The following HSD17B11 variants were observed in gnomAD, a reference collection of about 807,000 sequenced individuals.
The protein encoded by HSD17B11 is estradiol 17-beta-dehydrogenase 11.
Under a neutral mutation model 27.8 loss-of-function variants are expected in HSD17B11, and 22 were observed. The ratio of observed to expected loss-of-function variants is 0.79; its 90% confidence interval spans 0.56 to 1.13. The LOEUF is 1.13. Ranked by LOEUF, HSD17B11 falls within the 50% of genes most tolerant of loss-of-function variation. The pLI, the probability that HSD17B11 is intolerant of heterozygous loss-of-function variation, is 0.00. For synonymous variants in HSD17B11, 117 were observed against 132.8 expected, an observed-to-expected ratio of 0.88 and a Z score of 0.82; for missense variants, 314 against 351.1, an observed-to-expected ratio of 0.89 and a Z score of 0.84.
chr4:87,386,296 C>T (rs563747403), intron 1 of HSD17B11, among the ~76,000 whole-genome samples: 30 of 152,020 alleles, frequency 2.0e-4, no homozygotes, highest in Admixed American at 6.6e-4. Context: ...TCTGCCTTCC[C>T]GGTTCAAGTG....
rs1456055148 is a variant in HSD17B11, at chr4:87,382,289, C to G, written c.284G>C (p.Ser95Thr). 1 of 1,613,892 alleles carries G rather than the reference C, an allele frequency of 6.2e-7. No individual in the cohort carries two copies. Among genetic ancestry groups the G allele is most frequent in the South Asian group, 1.1e-5 (1 of 91,072 alleles). Reference protein sequence around the residue: ...AKVHTFVVDCSNREDIYSSAK... With the variant: ...AKVHTFVVDCTNREDIYSSAK... ...AGAGCTGTAAATATCTTCTCGGTTGCTGCAGTCTACCACAAAGGTATGAAC... is the reference window on the plus strand; with the variant it reads ...AGAGCTGTAAATATCTTCTCGGTTGGTGCAGTCTACCACAAAGGTATGAAC... Residue 95 changes from serine to threonine, a missense_variant, in exon 2 of 7, where the codon AGC becomes ACC. Physicochemically the swap from Ser to Thr is moderately conservative, Grantham distance 58 (BLOSUM62 1). Transcript: ENST00000358290.
At chr4:87,341,724 A>G (rs888277922) in intron 5 of HSD17B11, among the ~76,000 whole-genome samples, 4 of 152,036 alleles carry the variant, frequency 2.6e-5, no homozygotes, top group African/African-American at 7.2e-5. Flanking sequence ...AAATTAGGCA[A>G]GAGTGGTGGT....
At chr4:87,353,261 A>C (rs1735319453) in intron 5 of HSD17B11, among the ~76,000 whole-genome samples, 1 of 152,138 alleles carries the variant, frequency 6.6e-6, no homozygotes, top group Non-Finnish European at 1.5e-5. Context: ...TTACTGGGCC[A>C]AAGGGTATAT....
chr4:87,342,381 CA>C (rs543558458), intron 5 of HSD17B11, among the ~76,000 whole-genome samples: 981 of 74,318 alleles, frequency 0.013, 5 homozygotes, highest in Middle Eastern at 0.082. Flanking sequence ...AACTTCGCTG[CA>C]AAAAAAAAAA....
In HSD17B11 at chr4:87,378,850, ATATATAAATATATAT is replaced by A. The variant is rs1560769062; in HGVS notation, c.318+3390_318+3404del. On this transcript the variant is annotated intron_variant, in intron 2 of 6. Transcript: ENST00000358290. ...TATATAAATATATATATATAAATAT[ATATATAAATATATAT>A]AAATATATATATATAAATATATATA... 3.9e-4 allele frequency among the ~76,000 whole-genome samples: 9 copies of A among 22,954 alleles called. 3 individuals carry two copies. The highest frequency in any genetic ancestry group is 2.7e-3 in the African/African-American group (9 of 3,322). 15.1% of individuals were successfully genotyped at this position (22,954 alleles called of 152,430 possible).
chr4:87,378,895 A>AATATATATAAAT (rs1370156887), intron 2 of HSD17B11, among the ~76,000 whole-genome samples: 6 of 8,422 alleles, frequency 7.1e-4, no homozygotes, highest in African/African-American at 5.5e-3. Flanking sequence ...TATATATATA[A>AATATATATAAAT]ATATATATAA....
At chr4:87,340,717 T>C (rs908687151) in intron 5 of HSD17B11, 111 bp from the exon 6 acceptor site, 2 of 676,516 alleles carry the variant, frequency 3.0e-6, no homozygotes, top group East Asian at 2.6e-5. Flanking sequence ...ATAACTGATT[T>C]GTAGTGTCTA....
chr4:87,384,561 A>G (rs1034923713), intron 1 of HSD17B11, among the ~76,000 whole-genome samples: 4 of 152,134 alleles, frequency 2.6e-5, no homozygotes, highest in African/African-American at 9.7e-5. Context: ...ATACCTTGGG[A>G]AAGGAATGCA....
chr4:87,385,971 A>G (rs1190452222), intron 1 of HSD17B11: 1 of 151,690 alleles, frequency 6.6e-6, no homozygotes, highest in Non-Finnish European at 1.5e-5. Context: ...TTGAACAAAT[A>G]TATTTCCTTA....
intron 1 of HSD17B11, among the ~76,000 whole-genome samples, chr4:87,384,148 A>G (rs1199089414): frequency 6.6e-6 from 1 of 152,198 alleles, no homozygotes; most frequent in African/African-American, 2.4e-5. Context: ...GACCGGCTGG[A>G]GCCGCGGCAA....
intron 1 of HSD17B11, among the ~76,000 whole-genome samples, chr4:87,386,363 C>A (rs561681673): frequency 6.6e-6 from 1 of 152,056 alleles, no homozygotes; most frequent in South Asian, 2.1e-4. Context: ...CCACCACACC[C>A]GTCTAATTTT....
At chr4:87,353,756 A>G (rs968578175) in intron 5 of HSD17B11, among the ~76,000 whole-genome samples, 1 of 152,242 alleles carries the variant, frequency 6.6e-6, no homozygotes, top group Non-Finnish European at 1.5e-5. Flanking sequence ...AAAAAATTCA[A>G]TTATAACTTT....
intron 4 of HSD17B11, among the ~76,000 whole-genome samples, chr4:87,369,640 A>G (rs1735673753): frequency 6.6e-6 from 1 of 152,084 alleles, no homozygotes; most frequent in South Asian, 2.1e-4. Context: ...TTGCTATGTT[A>G]CCCAAGCTAT....
Position 87,390,992 on chromosome 4 carries a change from T to C in HSD17B11, c.79A>G (p.Ile27Val), listed in dbSNP as rs777107243. ...GTGACTGATTTTCTCCTCTTAGGAA[T>C]AAAAAGCTTCACGAAGGACTCTAGG... ...CSLESFVKLF[I>V]PKRRKSVTGE... is the part of the protein sequence containing the mutation. The change falls in exon 1 of 7, where the codon ATT becomes GTT. Residue 27 changes from isoleucine (I) to valine (V), a missense_variant. Coordinates refer to ENST00000358290, the MANE Select transcript of HSD17B11 (RefSeq NM_016245.5). 6.2e-7 allele frequency: 1 copy of C among 1,613,856 alleles called. No homozygotes were observed. Among genetic ancestry groups the C allele is most frequent in the Non-Finnish European group, 8.5e-7 (1 of 1,179,986 alleles).
At chr4:87,366,436 G>A (rs1324561448) in intron 4 of HSD17B11, among the ~76,000 whole-genome samples, 2 of 152,082 alleles carry the variant, frequency 1.3e-5, no homozygotes, top group East Asian at 3.9e-4. Context: ...TTAATGTAAA[G>A]GTGAAATTTC....
At chr4:87,390,346 G>T (rs1193095849) in intron 1 of HSD17B11, among the ~76,000 whole-genome samples, 1 of 152,124 alleles carries the variant, frequency 6.6e-6, no homozygotes, top group Non-Finnish European at 1.5e-5. Flanking sequence ...ATTTTTAGTA[G>T]AGACGGGGTT....
chr4:87,381,911 A>G (rs1720183081), intron 2 of HSD17B11, among the ~76,000 whole-genome samples: 1 of 152,214 alleles, frequency 6.6e-6, no homozygotes, highest in Non-Finnish European at 1.5e-5. Context: ...ATCCAGGCAT[A>G]GTTACCTATA....
chr4:87,337,077 T>C lies in HSD17B11; in HGVS notation c.*199A>G, dbSNP rs748169485. ...TTTTCCTTAAAGTCACCTCTAAAGG[T>C]ATTTCTCTGTTTATATCATATGTAA... On this transcript the variant is annotated 3_prime_UTR_variant, in exon 7 of 7. Coordinates refer to ENST00000358290, the MANE Select transcript of HSD17B11 (RefSeq NM_016245.5). The C allele has an allele frequency of 1.5e-5, 8 of 541,234 alleles. No individual in the cohort carries two copies. Among genetic ancestry groups the C allele is most frequent in the Non-Finnish European group, 2.6e-5 (8 of 308,788 alleles). 33.5% of individuals were successfully genotyped at this position (541,234 alleles called of 1,614,324 possible). A position where few individuals can be genotyped will look rare whatever the true frequency, so the allele number is the denominator to read the frequency against.
intron 1 of HSD17B11, 148 bp from the exon 2 acceptor site, chr4:87,382,510 G>T: frequency 2.0e-6 from 1 of 492,546 alleles, no homozygotes; most frequent in Non-Finnish European, 3.6e-6. Flanking sequence ...TTTTTGGCAG[G>T]TATATAGGCA....
Sources: allele counts gnomAD v4.1 joint callset (sites outside exome capture counted in the v4.1 genomes callset), GRCh38; gene constraint gnomAD v4.1.1; transcripts MANE v1.5; gene names NCBI Gene and HGNC (gene_info 2026-07-23, HGNC 2026-07-21).